Variants in FBXO31 observed in about 807,000 individuals in gnomAD.
FBXO31 encodes F-box only protein 31.
Under a neutral mutation model 54.4 loss-of-function variants are expected in FBXO31, and 24 were observed. The observed-to-expected ratio is 0.44, with a 90% CI of 0.32 to 0.62. The LOEUF is 0.62. FBXO31 is among the 20% of genes least tolerant of loss of function. FBXO31 has a pLI of 0.05. For synonymous variants in FBXO31, 388 were observed against 335.6 expected (o/e 1.16, Z -1.71); for missense variants, 665 against 787.1 (o/e 0.84, Z 1.86).
intron 1 of FBXO31, among the ~76,000 whole-genome samples, chr16:87,363,623 G>C (rs568319869): frequency 7.3e-6 from 1 of 137,894 alleles, no homozygotes; most frequent in Admixed American, 8.0e-5. Context: ...TGACTGGCAA[G>C]AATGGCAGGA....
chr16:87,389,204 T>C (rs916039505), intron 1 of FBXO31, among the ~76,000 whole-genome samples: 4 of 152,192 alleles, frequency 2.6e-5, no homozygotes, highest in African/African-American at 9.6e-5. Flanking sequence ...TACATGGGAA[T>C]GAAACCTATG....
rs142281776 is a variant in FBXO31 at position 87,383,661 on chromosome 16, C to G, written c.84G>C (p.Thr28=). The G allele has an allele frequency of 3.4e-3, 4,526 of 1,326,172 alleles. 135 individuals are homozygous for G. In the African/African-American group the frequency reaches 0.062, roughly 18 times the overall value. 82.2% of individuals were successfully genotyped at this position (1,326,172 alleles called of 1,614,324 possible). The change falls in exon 1 of 9, where the codon ACG becomes ACC. Residue 28 remains threonine (T), a synonymous_variant. Coordinates refer to ENST00000311635, the MANE Select transcript of FBXO31 (RefSeq NM_024735.5). This position sits in a 1 kb window ranked among gnomAD's most constrained non-coding sequence, Gnocchi z 4.9. ...RRQQRRGPAE[T]AAADSEPDTD... ...TGTCCGGCTCGCTGTCGGCCGCCGCCGTCTCGGCCGGGCCCCGGCGCTGCT... is the reference window on the plus strand; with the variant it reads ...TGTCCGGCTCGCTGTCGGCCGCCGCGGTCTCGGCCGGGCCCCGGCGCTGCT...
intron 1 of FBXO31, among the ~76,000 whole-genome samples, chr16:87,364,781 G>A (rs1243714759): frequency 6.6e-6 from 1 of 151,478 alleles, no homozygotes; most frequent in African/African-American, 2.4e-5. Context: ...CAGCACTTTG[G>A]GAGGCCAGGG....
rs777513940 is a variant in FBXO31, at chr16:87,329,579, G to C, written c.*1709C>G. 1.1e-4 allele frequency: 16 copies of C among 152,292 alleles called. No individual in the cohort carries two copies. The highest frequency in any genetic ancestry group is 2.2e-4 in the Non-Finnish European group (15 of 68,070). 9.4% of individuals were successfully genotyped at this position (152,292 alleles called of 1,614,324 possible). On this transcript the variant is annotated 3_prime_UTR_variant, in exon 9 of 9. Transcript: ENST00000311635. ...TCAGAGACTGCCTCATTTGGCAAGA[G>C]AGAAAAACAGTGACCACCACAGAGG...
rs140680975 is a variant in FBXO31 at position 87,331,334 on chromosome 16, T to C, written c.1574A>G (p.Gln525Arg). ...TFRNADAPSP[Q>R]AFDEMLKNIQ... ...GTTCTTGAGCATCTCATCGAAGGCCTGTGGGGACGGCGCATCTGCGTTCCG... is the reference window on the plus strand; with the variant it reads ...GTTCTTGAGCATCTCATCGAAGGCCCGTGGGGACGGCGCATCTGCGTTCCG... Residue 525 changes from glutamine to arginine, a missense_variant, in exon 9 of 9, where the codon CAG becomes CGG. Gln to Arg is a conservative substitution (Grantham distance 43). Transcript: ENST00000311635. The C allele has an allele frequency of 5.0e-5, 81 of 1,613,876 alleles. No homozygotes were observed. The highest frequency in any genetic ancestry group is 6.4e-5 in the Non-Finnish European group (76 of 1,180,030).
intron 1 of FBXO31, among the ~76,000 whole-genome samples, chr16:87,378,120 T>C (rs1021954248): frequency 2.0e-5 from 3 of 151,084 alleles, no homozygotes; most frequent in African/African-American, 7.3e-5. Flanking sequence ...GATAGCGCCA[T>C]TGCACTACAG....
chr16:87,360,180 G>A (rs533399482), intron 2 of FBXO31, 115 bp downstream of exon 2: 2 of 913,542 alleles, frequency 2.2e-6, no homozygotes, highest in East Asian at 5.0e-5. Flanking sequence ...ACTGTAAGAT[G>A]GTGTCTGAGA....
rs981930081 is a variant in FBXO31, at chr16:87,329,704, C to G, written c.*1584G>C. The G allele has an allele frequency of 1.3e-5, 2 of 151,576 alleles. No homozygotes were observed. Among genetic ancestry groups the G allele is most frequent in the Admixed American group, 6.5e-5 (1 of 15,274 alleles). The allele number at this position is 151,576 out of a possible 1,614,324, so 9.4% of individuals were successfully genotyped here. On this transcript the variant is annotated 3_prime_UTR_variant, in exon 9 of 9. Coordinates refer to ENST00000311635, the MANE Select transcript of FBXO31 (RefSeq NM_024735.5). ...GGTGCGCCTCGGGGTCTGCGTGGCTCCCGCTGCTGCCGCCCTGGAAGGGCG... is the reference window on the plus strand; with the variant it reads ...GGTGCGCCTCGGGGTCTGCGTGGCTGCCGCTGCTGCCGCCCTGGAAGGGCG...
At chr16:87,332,126 C>A (rs887671739) in intron 8 of FBXO31, among the ~76,000 whole-genome samples, 2 of 152,228 alleles carry the variant, frequency 1.3e-5, no homozygotes, top group Non-Finnish European at 2.9e-5. Flanking sequence ...CCCACTGAGG[C>A]TCCAAAGGCC....
At chr16:87,342,147 T>C (rs8050303) in intron 5 of FBXO31, among the ~76,000 whole-genome samples, 59,198 of 151,986 alleles carry the variant, frequency 0.39, 12,057 homozygotes, top group Non-Finnish European at 0.44. Flanking sequence ...CTCACTGCAG[T>C]CTCCACCTCC....
At position 87,327,479 on chromosome 16, in the gene FBXO31, A is replaced by C. The variant is rs1904688088; in HGVS notation, c.*3809T>G. 6.6e-6 allele frequency: 1 copy of C among 152,388 alleles called. No homozygotes were observed. The allele number at this position is 152,388 out of a possible 1,614,324, so 9.4% of individuals were successfully genotyped here. A position where few individuals can be genotyped will look rare whatever the true frequency, so the allele number is the denominator to read the frequency against. On this transcript the variant is annotated 3_prime_UTR_variant, in exon 9 of 9. Transcript: ENST00000311635. ...TCGAGACCAACCTGAGCAACATGGC[A>C]AAACTCCATCTCTACAAAAACAAGT...
At chr16:87,386,729 C>T (rs1009234808), upstream of FBXO31, among the ~76,000 whole-genome samples, 11 of 152,212 alleles carry the variant, frequency 7.2e-5, no homozygotes, top group African/African-American at 2.2e-4. Context: ...CCACTGCACC[C>T]GGCCTTTATT....
At chr16:87,372,612 G>A (rs1033462948) in intron 1 of FBXO31, among the ~76,000 whole-genome samples, 2 of 152,154 alleles carry the variant, frequency 1.3e-5, no homozygotes, top group African/African-American at 4.8e-5. Context: ...TCAGGCTGGA[G>A]TGCAGTGGTA....
chr16:87,348,330 G>A (rs1390257048), intron 2 of FBXO31, among the ~76,000 whole-genome samples: 3 of 152,212 alleles, frequency 2.0e-5, no homozygotes, highest in African/African-American at 4.8e-5. Flanking sequence ...CCCCTTGGAT[G>A]CTAAATGCCT....
intron 5 of FBXO31, among the ~76,000 whole-genome samples, chr16:87,342,020 T>C (rs1597361831): frequency 6.6e-6 from 1 of 152,172 alleles, no homozygotes; most frequent in Admixed American, 6.5e-5. Flanking sequence ...GTGACCAGCC[T>C]GGGCAACATG....
intron 2 of FBXO31, among the ~76,000 whole-genome samples, chr16:87,351,596 G>A (rs1458701960): frequency 6.6e-6 from 1 of 152,140 alleles, no homozygotes; most frequent in African/African-American, 2.4e-5. Flanking sequence ...TGGGTGCGGT[G>A]GCTCACTCAA....
In FBXO31 at chr16:87,338,318, T is replaced by C. The variant is rs147384890; in HGVS notation, c.733-2054A>G. Among the ~76,000 whole-genome samples the C allele has an allele frequency of 5.1e-3, 773 of 151,622 alleles. 8 individuals carry two copies. Among genetic ancestry groups the C allele is most frequent in the Non-Finnish European group, 6.2e-3 (424 of 67,954 alleles). ...ACCCAGGGCCTGCTCACTCAACACA[T>C]TGTACTCGCGACCCTCGTGGCAGCG... On this transcript the variant is annotated intron_variant, in intron 5 of 8. Transcript: ENST00000311635. This position sits in a 1 kb window ranked among gnomAD's most constrained non-coding sequence, Gnocchi z 4.3.
At chr16:87,374,369 C>CT (rs1906732804) in intron 1 of FBXO31, among the ~76,000 whole-genome samples, 1 of 152,176 alleles carries the variant, frequency 6.6e-6, no homozygotes, top group Admixed American at 6.5e-5. Context: ...AAAACTTAGC[C>CT]TACAGCTGCG....
intron 1 of FBXO31, among the ~76,000 whole-genome samples, chr16:87,362,028 C>A (rs2150687012): frequency 6.6e-6 from 1 of 151,518 alleles, no homozygotes; most frequent in South Asian, 2.1e-4. Flanking sequence ...ATAAATACAC[C>A]CAGCGAGGAG....
Sources: allele counts gnomAD v4.1 joint callset (sites outside exome capture counted in the v4.1 genomes callset), GRCh38; gene constraint gnomAD v4.1.1; non-coding constraint Gnocchi (gnomAD v3.1); transcripts MANE v1.5; gene names NCBI Gene and HGNC (gene_info 2026-07-23, HGNC 2026-07-21).